Variants in RASGRF1 observed in about 807,000 individuals in gnomAD.
RASGRF1 encodes the protein Ras protein specific guanine nucleotide releasing factor 1.
A neutral mutation model predicts 138.7 loss-of-function variants in RASGRF1; 40 were observed. The observed-to-expected ratio is 0.29, with a 90% confidence interval of 0.22 to 0.38. The LOEUF is 0.38. RASGRF1 is among the 10% of genes least tolerant of loss of function. RASGRF1 has a pLI of 1.00. For synonymous variants in RASGRF1, 614 were observed against 663.2 expected (o/e 0.93, Z 1.14); for missense variants, 1,108 against 1,650.4 (o/e 0.67, Z 5.69).
chr15:78,998,846 G>C (rs759149188), intron 17 of RASGRF1, 21 bp from the exon 18 acceptor site: 2 of 1,573,514 alleles, frequency 1.3e-6, no homozygotes, highest in Non-Finnish European at 1.7e-6. Flanking sequence ...GCGTGGCAGA[G>C]GGGAGAGAGG....
At chr15:79,010,108 G>A (rs546686380) in intron 13 of RASGRF1, among the ~76,000 whole-genome samples, 9 of 148,876 alleles carry the variant, frequency 6.0e-5, no homozygotes, top group Non-Finnish European at 1.3e-4. Flanking sequence ...GCGCAATGTC[G>A]GCTCATGGCA....
At chr15:79,057,860 A>AGG (rs1463420963) in intron 3 of RASGRF1, among the ~76,000 whole-genome samples, 2 of 152,212 alleles carry the variant, frequency 1.3e-5, no homozygotes, top group Non-Finnish European at 2.9e-5. Context: ...GCTTTCATCA[A>AGG]GATGGATGGA....
intron 26 of RASGRF1, among the ~76,000 whole-genome samples, chr15:78,963,261 C>T (rs1051678104): frequency 1.3e-5 from 2 of 152,076 alleles, no homozygotes; most frequent in African/African-American, 4.8e-5. Context: ...ACTAAAGGCA[C>T]ATTTTTCCCC....
At chr15:79,084,839 A>G (rs764723117) in intron 1 of RASGRF1, among the ~76,000 whole-genome samples, 1 of 152,202 alleles carries the variant, frequency 6.6e-6, no homozygotes, top group Non-Finnish European at 1.5e-5. Context: ...CCTCAGGCAG[A>G]ACCATGGACT....
At chr15:78,984,836 C>T (rs1340137846) in intron 23 of RASGRF1, 171 bp downstream of exon 23, 3 of 695,294 alleles carry the variant, frequency 4.3e-6, no homozygotes, top group Non-Finnish European at 5.0e-6. Flanking sequence ...TGTGGGCCTG[C>T]TATCTGGTCC....
At chr15:79,004,992 T>G in intron 14 of RASGRF1, 1 of 985,530 alleles carries the variant, frequency 1.0e-6, no homozygotes, top group Non-Finnish European at 1.2e-6. Flanking sequence ...CCAGCCTCTT[T>G]GTTCTGCAGG....
chr15:79,090,573 G>T lies in RASGRF1; in HGVS notation c.-75C>A. The stretch of plus-strand genomic sequence containing the variant: ...GCAGCCCCCCGTCCGTGCGCGCTGC[G>T]CGCTGCCTCTCTCTGGCGCTCGCTC... On this transcript the variant is annotated 5_prime_UTR_variant, in exon 1 of 27. Coordinates refer to ENST00000558480, the MANE Select transcript of RASGRF1 (RefSeq NM_001145648.3). 6.4e-7 allele frequency: 1 copy of T among 1,558,770 alleles called. No individual in the cohort carries two copies. The highest frequency in any genetic ancestry group is 8.7e-7 in the Non-Finnish European group (1 of 1,154,584).
At chr15:79,010,114 T>C (rs182663426) in intron 13 of RASGRF1, among the ~76,000 whole-genome samples, 9 of 149,850 alleles carry the variant, frequency 6.0e-5, no homozygotes, top group African/African-American at 1.7e-4. Context: ...TGTCGGCTCA[T>C]GGCAACCTCC....
In RASGRF1 at chr15:78,961,453, C is replaced by G. The variant is rs1470069563; in HGVS notation, c.*691G>C. On this transcript the variant is annotated 3_prime_UTR_variant, in exon 27 of 27. Coordinates refer to ENST00000558480, the MANE Select transcript of RASGRF1 (RefSeq NM_001145648.3). The stretch of plus-strand genomic sequence containing the variant: ...TTCCTCGGGAAGTCTAGGGCCTCAT[C>G]CAGTTGTATTGAGACTGCTATTCAT... 6 of 152,156 alleles carry G rather than the reference C, an allele frequency of 3.9e-5. No individual in the cohort carries two copies. Among genetic ancestry groups the G allele is most frequent in the Non-Finnish European group, 1.5e-5 (1 of 68,056 alleles). The allele number at this position is 152,156 out of a possible 1,614,324, so 9.4% of individuals were successfully genotyped here. A position where few individuals can be genotyped will look rare whatever the true frequency, so the allele number is the denominator to read the frequency against.
In RASGRF1 at chr15:78,995,216, A is replaced by G. The variant is rs113745072; in HGVS notation, c.3027+524T>C. ...AGTGCTAGGATTACAGGTGTGAGCC[A>G]CCACGCCTGGCCTCCCTCTCACATC... On this transcript the variant is annotated intron_variant, in intron 20 of 26. Coordinates refer to ENST00000558480, the MANE Select transcript of RASGRF1 (RefSeq NM_001145648.3). 1.2e-3 allele frequency among the ~76,000 whole-genome samples: 180 copies of G among 151,912 alleles called. 1 individual carries two copies. Among genetic ancestry groups the G allele is most frequent in the African/African-American group, 3.7e-3 (153 of 41,420 alleles).
chr15:79,072,823 G>A (rs1216904908), intron 1 of RASGRF1, among the ~76,000 whole-genome samples: 1 of 152,184 alleles, frequency 6.6e-6, no homozygotes, highest in Non-Finnish European at 1.5e-5. Context: ...CACTGGAGCT[G>A]CTGTGATGAG....
At chr15:78,984,766 T>A in intron 23 of RASGRF1, 1 of 555,412 alleles carries the variant, frequency 1.8e-6, no homozygotes, top group Non-Finnish European at 3.3e-6. Context: ...TCATATTCTT[T>A]CCACTTTGAG....
At chr15:79,038,915 A>T (rs983198938) in intron 5 of RASGRF1, among the ~76,000 whole-genome samples, 2 of 152,208 alleles carry the variant, frequency 1.3e-5, no homozygotes, top group Admixed American at 6.5e-5. Context: ...GGAGATAGAC[A>T]TAGCCTTTCC....
At chr15:78,993,138 T>G (rs1224977722) in intron 20 of RASGRF1, among the ~76,000 whole-genome samples, 5 of 133,778 alleles carry the variant, frequency 3.7e-5, no homozygotes, top group African/African-American at 1.4e-4. Flanking sequence ...ATGTGGGGTG[T>G]GTGTGTGTGT....
At chr15:79,040,605 C>A (rs981910858) in intron 5 of RASGRF1, among the ~76,000 whole-genome samples, 7 of 152,056 alleles carry the variant, frequency 4.6e-5, no homozygotes, top group African/African-American at 1.7e-4. Context: ...CTCACCACCC[C>A]CTTTGTTCAC....
intron 1 of RASGRF1, among the ~76,000 whole-genome samples, chr15:79,080,006 A>G (rs1481057911): frequency 1.3e-5 from 2 of 152,150 alleles, no homozygotes; most frequent in African/African-American, 4.8e-5. Flanking sequence ...GGCATGCCCT[A>G]TACTGGCGGT....
chr15:79,072,696 T>A (rs2057778560), intron 1 of RASGRF1, among the ~76,000 whole-genome samples: 1 of 152,102 alleles, frequency 6.6e-6, no homozygotes, highest in Admixed American at 6.5e-5. Context: ...CTGACCTGAG[T>A]CACCTTTGAA....
chr15:79,004,325 A>G, intron 14 of RASGRF1, 150 bp from the exon 15 acceptor site: 1 of 1,104,328 alleles, frequency 9.1e-7, no homozygotes, highest in South Asian at 1.7e-5. Context: ...TGATCCTCTG[A>G]GCAGGGACAA....
At chr15:79,053,778 G>A (rs557110012) in intron 3 of RASGRF1, among the ~76,000 whole-genome samples, 22 of 152,346 alleles carry the variant, frequency 1.4e-4, no homozygotes, top group South Asian at 4.1e-4. Flanking sequence ...TGGATGTGTG[G>A]CCTGCGCACT....
Sources: gnomAD v4.1 joint callset for allele counts (sites outside exome capture counted in the v4.1 genomes callset) on GRCh38, gnomAD v4.1.1 for gene constraint, MANE v1.5 for transcripts, NCBI Gene and HGNC (gene_info 2026-07-23, HGNC 2026-07-21) for gene names.